CDYL: variants seen among roughly 807,000 people sequenced by gnomAD.
CDYL encodes the protein chromodomain Y-like protein.
CDYL carries 8 observed loss-of-function variants against 47.3 expected under a neutral mutation model. The ratio of observed to expected loss-of-function variants is 0.17; its 90% CI spans 0.10 to 0.31. CDYL has a LOEUF of 0.31. Ranked by LOEUF, CDYL falls within the 10% of genes least tolerant of loss-of-function variation. The probability of loss-of-function intolerance (pLI) is 1.00; values close to 1 mark genes in which losing one functional copy is unlikely to be tolerated. For missense variants in CDYL, 471 were observed against 701.4 expected (o/e 0.67, Z 3.71); for synonymous variants, 266 against 265.0 (o/e 1.00, Z -0.04).
intron 1 of CDYL, among the ~76,000 whole-genome samples, chr6:4,791,566 G>A (rs113813499): frequency 0.011 from 1,663 of 152,292 alleles, 44 homozygotes; most frequent in African/African-American, 0.038. Flanking sequence ...GGCCTCTGAC[G>A]TCTTGGCTTG....
intron 1 of CDYL, among the ~76,000 whole-genome samples, chr6:4,891,300 C>T (rs1347251773): frequency 6.6e-6 from 1 of 152,204 alleles, no homozygotes; most frequent in African/African-American, 2.4e-5. Context: ...CGCCTTGTAG[C>T]TCATTGCTGT....
intron 1 of CDYL, among the ~76,000 whole-genome samples, chr6:4,884,637 A>G (rs1761853162): frequency 6.6e-6 from 1 of 152,184 alleles, no homozygotes; most frequent in South Asian, 2.1e-4. Context: ...AGCCTCGGAG[A>G]CAAGATAGTG....
Position 4,954,577 on chromosome 6 carries a change from C to G in CDYL, c.*521C>G, listed in dbSNP as rs1758812079. The G allele has an allele frequency of 6.6e-6, 1 of 152,602 alleles. No homozygotes were observed. Among genetic ancestry groups the G allele is most frequent in the African/African-American group, 2.4e-5 (1 of 41,436 alleles). 9.5% of individuals were successfully genotyped at this position (152,602 alleles called of 1,614,324 possible). On this transcript the variant is annotated 3_prime_UTR_variant, in exon 7 of 7. Coordinates refer to ENST00000397588, the MANE Select transcript of CDYL (RefSeq NM_004824.4). ...ACAGATACCTCAGATTCGGGAAACTCAAAATCAAAAGACTTAGCTTCTAGG... is the reference window on the plus strand; with the variant it reads ...ACAGATACCTCAGATTCGGGAAACTGAAAATCAAAAGACTTAGCTTCTAGG...
chr6:4,807,040 G>A (rs886396034), intron 1 of CDYL, among the ~76,000 whole-genome samples: 11 of 152,150 alleles, frequency 7.2e-5, no homozygotes, highest in African/African-American at 1.4e-4. Context: ...TCCTCTGTGC[G>A]TGCGTGCACC....
chr6:4,765,752 T>C (rs1226294776), intron 3 of CDYL, among the ~76,000 whole-genome samples: 1 of 152,024 alleles, frequency 6.6e-6, no homozygotes, highest in Non-Finnish European at 1.5e-5. Context: ...TTAGCACAGA[T>C]GGGGTTTTGC....
chr6:4,796,038 C>T (rs1471400548), intron 1 of CDYL, among the ~76,000 whole-genome samples: 1 of 152,092 alleles, frequency 6.6e-6, no homozygotes, highest in Non-Finnish European at 1.5e-5. Flanking sequence ...AGGCTCACTG[C>T]AACCTCTGCC....
At chr6:4,755,390 T>C (rs1758060389) in intron 3 of CDYL, among the ~76,000 whole-genome samples, 1 of 152,162 alleles carries the variant, frequency 6.6e-6, no homozygotes, top group South Asian at 2.1e-4. Context: ...TTGTTAAACA[T>C]TTCTTCCTCT....
intron 1 of CDYL, among the ~76,000 whole-genome samples, chr6:4,841,419 T>C (rs1470213185): frequency 6.6e-6 from 1 of 152,158 alleles, no homozygotes; most frequent in Non-Finnish European, 1.5e-5. Flanking sequence ...ATCTTTGTTA[T>C]TTCTTCTGCT....
chr6:4,734,745 T>C (rs1242701002), intron 2 of CDYL: 1 of 1,613,448 alleles, frequency 6.2e-7, no homozygotes, highest in African/African-American at 1.3e-5. Context: ...AGAAACTTTC[T>C]CATTATTCTG....
At chr6:4,881,774 A>C (rs1024573568) in intron 1 of CDYL, among the ~76,000 whole-genome samples, 1 of 152,202 alleles carries the variant, frequency 6.6e-6, no homozygotes, top group African/African-American at 2.4e-5. Flanking sequence ...TGTATATCTG[A>C]GGTTCCATCG....
At position 4,795,797 on chromosome 6, in the gene CDYL, CT is replaced by C. The variant is rs1297336869; in HGVS notation, c.24+18993del. ...TTTCTGGTTCTTTATTTCCTTCTGC[CT>C]TTAGGTTATTTGGTTCTTTTTATAG... is the stretch of plus-strand genomic sequence containing the variant. On this transcript the variant is annotated intron_variant, in intron 1 of 6. Transcript: ENST00000397588. Among the ~76,000 whole-genome samples the C allele has an allele frequency of 6.0e-5, 9 of 151,164 alleles. No individual in the cohort carries two copies. In the East Asian group the frequency reaches 1.4e-3, roughly 23 times the overall value.
rs1758466485 is a variant in CDYL at position 4,776,777 on chromosome 6, G to A, written c.-7G>A. On this transcript the variant is annotated 5_prime_UTR_variant, in exon 1 of 7. Transcript: ENST00000397588. ...TGCCCCTCCCGCCCGCAACTCCGCC[G>A]CCCACCATGGCTTCCGAGGAGCTGT... The A allele has an allele frequency of 2.8e-6, 2 of 714,982 alleles. No homozygotes were observed. The highest frequency in any genetic ancestry group is 4.8e-5 in the South Asian group (2 of 41,514). The allele number at this position is 714,982 out of a possible 1,614,324, so 44.3% of individuals were successfully genotyped here. A position where few individuals can be genotyped will look rare whatever the true frequency, so the allele number is the denominator to read the frequency against.
chr6:4,724,667 T>G (rs530966092), intron 2 of CDYL: 3 of 152,402 alleles, frequency 2.0e-5, no homozygotes, highest in African/African-American at 4.8e-5. Flanking sequence ...ACCTTCGCAG[T>G]GAGTGTTACA....
intron 3 of CDYL, among the ~76,000 whole-genome samples, chr6:4,765,617 G>A (rs182833464): frequency 6.6e-6 from 1 of 151,318 alleles, no homozygotes; most frequent in African/African-American, 2.4e-5. Flanking sequence ...AGGCTGGAGT[G>A]CAGTGGCACA....
rs35194498 is a variant in CDYL, at chr6:4,724,215, A to AT, written c.103+8346dup. ...GCCATCACACCCAGCTAATTTTTGT[A>AT]TTTTTTTTTTTTAAGTAGAGACAGG... On this transcript the variant is annotated intron_variant, in intron 2 of 8. Coordinates refer to the CDYL transcript ENST00000328908. Among the ~76,000 whole-genome samples the AT allele has an allele frequency of 7.7e-3, 1,127 of 146,506 alleles. 8 individuals carry two copies. Among genetic ancestry groups the AT allele is most frequent in the African/African-American group, 0.019 (780 of 40,356 alleles).
chr6:4,866,929 A>G lies in CDYL; in HGVS notation c.25-24784A>G, dbSNP rs562418868. Reference sequence around the variant, plus strand: ...CATTATTTCCAGAGAGAAGAAAAAAAGGAACTAAATTGATCCTCTAGTTTG... The same window carrying G: ...CATTATTTCCAGAGAGAAGAAAAAAGGGAACTAAATTGATCCTCTAGTTTG... On this transcript the variant is annotated intron_variant, in intron 1 of 6. Transcript: ENST00000397588. 3.3e-5 allele frequency among the ~76,000 whole-genome samples: 5 copies of G among 152,254 alleles called. No homozygotes were observed. In the South Asian group the frequency reaches 1.0e-3, roughly 32 times the overall value.
At chr6:4,938,233 G>T (rs1420388885) in intron 4 of CDYL, among the ~76,000 whole-genome samples, 6 of 144,916 alleles carry the variant, frequency 4.1e-5, no homozygotes, top group Non-Finnish European at 6.1e-5. Flanking sequence ...TTTTTTTGTT[G>T]TTTTTTTTTT....
intron 1 of CDYL, among the ~76,000 whole-genome samples, chr6:4,846,260 C>G (rs1308284366): frequency 6.6e-6 from 1 of 151,768 alleles, no homozygotes; most frequent in Non-Finnish European, 1.5e-5. Flanking sequence ...GATAGCACCC[C>G]AACCCCACAG....
intron 2 of CDYL, among the ~76,000 whole-genome samples, chr6:4,729,203 C>CT (rs1198742839): frequency 6.6e-6 from 1 of 152,124 alleles, no homozygotes; most frequent in Non-Finnish European, 1.5e-5. Flanking sequence ...TCTGTAGCAT[C>CT]TTTTTTCCAC....
Sources: allele counts gnomAD v4.1 joint callset (sites outside exome capture counted in the v4.1 genomes callset), GRCh38; gene constraint gnomAD v4.1.1; transcripts MANE v1.5; gene names NCBI Gene and HGNC (gene_info 2026-07-23, HGNC 2026-07-21).